Variants in HMGN4 observed in about 807,000 individuals in gnomAD.
HMGN4 encodes high mobility group nucleosomal binding domain 4, also known as high mobility group nucleosome-binding domain-containing protein 4.
For synonymous variants in HMGN4, 39 were observed against 39.1 expected, an observed-to-expected ratio of 1.00 and a Z score of 0.01; for missense variants, 69 against 104.9, an observed-to-expected ratio of 0.66 and a Z score of 1.49.
chr6:26,541,887 T>G (rs1764290997), intron 1 of HMGN4, among the ~76,000 whole-genome samples: 1 of 152,244 alleles, frequency 6.6e-6, no homozygotes, highest in African/African-American at 2.4e-5. Flanking sequence ...TAACTTGCTC[T>G]GTTGTTTGTA....
At chr6:26,544,097 G>C (rs549608448) in intron 1 of HMGN4, among the ~76,000 whole-genome samples, 1 of 152,076 alleles carries the variant, frequency 6.6e-6, no homozygotes, top group South Asian at 2.1e-4. Flanking sequence ...ATTTTTCTGT[G>C]TAAGACATAG....
Position 26,545,583 on chromosome 6 carries a change from G to A in HMGN4, c.*104G>A, listed in dbSNP as rs924009011. ...AAGTGTAGAATTTTGGCTTTTTTAA[G>A]TTATGTTGTTAGCACACAGGACACT... On this transcript the variant is annotated 3_prime_UTR_variant, in exon 2 of 2. Transcript: ENST00000377575. The A allele has an allele frequency of 9.2e-7, 1 of 1,092,446 alleles. No individual in the cohort carries two copies. Among genetic ancestry groups the A allele is most frequent in the Non-Finnish European group, 1.3e-6 (1 of 783,176 alleles). The allele number at this position is 1,092,446 out of a possible 1,614,324, so 67.7% of individuals were successfully genotyped here.
At position 26,538,376 on chromosome 6, in the gene HMGN4, C is replaced by G. The variant is rs1764243734; in HGVS notation, c.-206C>G. On this transcript the variant is annotated 5_prime_UTR_variant, in exon 1 of 2. Transcript: ENST00000377575. The stretch of plus-strand genomic sequence containing the variant: ...CCTTCCCTCGCCTTCCTGTTCCTGG[C>G]GGAGCCGGGCTCCGCTCGTCTTCTC... The G allele has an allele frequency of 1.3e-5, 2 of 152,426 alleles. No homozygotes were observed. Among genetic ancestry groups the G allele is most frequent in the South Asian group, 4.1e-4 (2 of 4,840 alleles). The allele number at this position is 152,426 out of a possible 1,614,324, so 9.4% of individuals were successfully genotyped here.
intron 1 of HMGN4, 107 bp from the exon 2 acceptor site, chr6:26,545,020 C>T: frequency 2.5e-6 from 1 of 394,464 alleles, no homozygotes; most frequent in Non-Finnish European, 4.5e-6. Context: ...ATTATGCTAT[C>T]TTTTTTGATA....
chr6:26,544,517 TAC>T (rs1199289974), intron 1 of HMGN4, among the ~76,000 whole-genome samples: 1 of 152,244 alleles, frequency 6.6e-6, no homozygotes, highest in East Asian at 1.9e-4. Flanking sequence ...TTTTTGAAAT[TAC>T]AGTGTTGCTA....
chr6:26,543,847 G>A (rs1764318422), intron 1 of HMGN4, among the ~76,000 whole-genome samples: 1 of 149,700 alleles, frequency 6.7e-6, no homozygotes, highest in Non-Finnish European at 1.5e-5. Flanking sequence ...ATTGTAGAAT[G>A]GTGGCCACTC....
In HMGN4 at chr6:26,545,146, G is replaced by A. The variant is rs2113584817; in HGVS notation, c.-61G>A. 3 of 1,390,250 alleles carry A rather than the reference G, an allele frequency of 2.2e-6. No homozygotes were observed. The highest frequency in any genetic ancestry group is 3.5e-5 in the South Asian group (2 of 57,768). 86.1% of individuals were successfully genotyped at this position (1,390,250 alleles called of 1,614,324 possible). A position where few individuals can be genotyped will look rare whatever the true frequency, so the allele number is the denominator to read the frequency against. Reference sequence around the variant, plus strand: ...TTAAAGACATCTTTCCAGGAACAGCGTGAGGAGGACAGAAGCACCCAACAG... The same window carrying A: ...TTAAAGACATCTTTCCAGGAACAGCATGAGGAGGACAGAAGCACCCAACAG... On this transcript the variant is annotated 5_prime_UTR_variant, in exon 2 of 2. In the 5' UTR this introduces an upstream ATG that the reference lacks. Coordinates refer to ENST00000377575, the MANE Select transcript of HMGN4 (RefSeq NM_006353.3).
At chr6:26,543,859 C>G (rs1764318459) in intron 1 of HMGN4, among the ~76,000 whole-genome samples, 1 of 145,854 alleles carries the variant, frequency 6.9e-6, no homozygotes, top group Non-Finnish European at 1.5e-5. Flanking sequence ...TGGCCACTCA[C>G]AAGGTTACAG....
At chr6:26,543,421 C>T (rs1385718359) in intron 1 of HMGN4, among the ~76,000 whole-genome samples, 7 of 80,134 alleles carry the variant, frequency 8.7e-5, no homozygotes, top group African/African-American at 1.7e-4. Context: ...GCACCATTAC[C>T]TTTTTTTTTT....
chr6:26,540,342 CT>C (rs1185421946), intron 1 of HMGN4, among the ~76,000 whole-genome samples: 12 of 125,504 alleles, frequency 9.6e-5, no homozygotes, highest in Non-Finnish European at 1.4e-4. Flanking sequence ...TTTTTTTTTT[CT>C]TTTTTTTTTG....
At chr6:26,541,311 G>A (rs1335689929) in intron 1 of HMGN4, among the ~76,000 whole-genome samples, 2 of 152,214 alleles carry the variant, frequency 1.3e-5, no homozygotes, top group Admixed American at 6.5e-5. Context: ...GATTACAGGC[G>A]TGAGCCACCA....
chr6:26,540,421 G>T (rs933703719), intron 1 of HMGN4, among the ~76,000 whole-genome samples: 1 of 150,418 alleles, frequency 6.6e-6, no homozygotes, highest in South Asian at 2.1e-4. Context: ...TGCAACCTCC[G>T]CCTCCCAGGC....
rs1210751461 is a variant in HMGN4, at chr6:26,542,852, CT to C, written c.-80-2274del. The stretch of plus-strand genomic sequence containing the variant: ...TTGACATGTGGAGATCATGGCCCCC[CT>C]ACTTCGGATGGACTTCAATGGATCT... On this transcript the variant is annotated intron_variant, in intron 1 of 1. Transcript: ENST00000377575. This position sits in a 1 kb window ranked among gnomAD's most constrained non-coding sequence, Gnocchi z 4.6. Among the ~76,000 whole-genome samples, 2 of 152,204 alleles carry C rather than the reference CT, an allele frequency of 1.3e-5. No individual in the cohort carries two copies. Among genetic ancestry groups the C allele is most frequent in the Non-Finnish European group, 2.9e-5 (2 of 68,030 alleles).
Position 26,542,047 on chromosome 6 carries a change from A to C in HMGN4, c.-80-3080A>C, listed in dbSNP as rs754002065. ...TGATACCATTGAAAGTCATTTCTCT[A>C]TGTTTCCAAAAGTTGTACAATTACT... On this transcript the variant is annotated intron_variant, in intron 1 of 1. Coordinates refer to ENST00000377575, the MANE Select transcript of HMGN4 (RefSeq NM_006353.3). The surrounding 1 kb of genome is among the most constrained non-coding windows in gnomAD (Gnocchi z 4.6). Among the ~76,000 whole-genome samples, 1 of 152,178 alleles carries C rather than the reference A, an allele frequency of 6.6e-6. No individual in the cohort carries two copies. The highest frequency in any genetic ancestry group is 2.4e-5 in the African/African-American group (1 of 41,448).
Position 26,545,455 on chromosome 6 carries a change from G to A in HMGN4, c.249G>A (p.Ala83=), listed in dbSNP as rs750549343. 122 of 1,580,848 alleles carry A rather than the reference G, an allele frequency of 7.7e-5. No homozygotes were observed. Among genetic ancestry groups the A allele is most frequent in the Non-Finnish European group, 9.7e-5 (113 of 1,165,696 alleles). Residue 83 remains alanine, a synonymous_variant, in exon 2 of 2, where the codon GCG becomes GCA. Coordinates refer to ENST00000377575, the MANE Select transcript of HMGN4 (RefSeq NM_006353.3). Reference sequence around the variant, plus strand: ...CCTCTACACTCCAGTCCCAGAAAGCGGAAGGCACTGGGGATGCCAAGTGAA... The same window carrying A: ...CCTCTACACTCCAGTCCCAGAAAGCAGAAGGCACTGGGGATGCCAAGTGAA... The part of the protein sequence containing the change: ...RDASTLQSQK[A]EGTGDAK
chr6:26,538,592 CT>C (rs1308547260), intron 1 of HMGN4, 91 bp downstream of exon 1: 1 of 153,160 alleles, frequency 6.5e-6, no homozygotes, highest in Non-Finnish European at 1.5e-5. Context: ...TAGGACCCTC[CT>C]GCCAGCTGGC....
In HMGN4 at chr6:26,542,662, C is replaced by T. The variant is rs964082052; in HGVS notation, c.-80-2465C>T. Among the ~76,000 whole-genome samples the T allele has an allele frequency of 2.0e-5, 3 of 152,164 alleles. No homozygotes were observed. Among genetic ancestry groups the T allele is most frequent in the Non-Finnish European group, 2.9e-5 (2 of 68,036 alleles). ...CCCTTTTCATTATGTGTGTATCTGT[C>T]TCCCACATTTGTAAGGTCTCTAGAG... On this transcript the variant is annotated intron_variant, in intron 1 of 1. Coordinates refer to ENST00000377575, the MANE Select transcript of HMGN4 (RefSeq NM_006353.3). This position sits in a 1 kb window ranked among gnomAD's most constrained non-coding sequence, Gnocchi z 4.6.
Position 26,545,243 on chromosome 6 carries a change from G to A in HMGN4, c.37G>A (p.Asp13Asn). 6.2e-7 allele frequency: 1 copy of A among 1,613,534 alleles called. No homozygotes were observed. Among genetic ancestry groups the A allele is most frequent in the Non-Finnish European group, 8.5e-7 (1 of 1,179,822 alleles). The change falls in exon 2 of 2, where the codon GAT becomes AAT. Residue 13 changes from aspartate (D) to asparagine (N), a missense_variant. Physicochemically the swap from Asp to Asn is conservative, Grantham distance 23 (BLOSUM62 1). Transcript: ENST00000377575. ...AAAGGCAAAAGGAGATGCTAAAGGT[G>A]ATAAAGCAAAGGTGAAGGATGAGCC... ...KRKAKGDAKGDKAKVKDEPQR... is the reference protein window; with the variant it reads ...KRKAKGDAKGNKAKVKDEPQR...
chr6:26,542,527 C>T lies in HMGN4; in HGVS notation c.-80-2600C>T, dbSNP rs1362975705. 6.6e-6 allele frequency among the ~76,000 whole-genome samples: 1 copy of T among 152,186 alleles called. No individual in the cohort carries two copies. Among genetic ancestry groups the T allele is most frequent in the African/African-American group, 2.4e-5 (1 of 41,438 alleles). On this transcript the variant is annotated intron_variant, in intron 1 of 1. Coordinates refer to ENST00000377575, the MANE Select transcript of HMGN4 (RefSeq NM_006353.3). The surrounding 1 kb of genome is among the most constrained non-coding windows in gnomAD (Gnocchi z 4.6). ...TTACCTAAAAATCTCTTCTGCGCCA[C>T]CTCAAATAATTTCTTCTGAGTTAAA... is the stretch of plus-strand genomic sequence containing the variant.
Sources: gnomAD v4.1 joint callset for allele counts (sites outside exome capture counted in the v4.1 genomes callset) on GRCh38, gnomAD v4.1.1 for gene constraint, Gnocchi (gnomAD v3.1) non-coding constraint, MANE v1.5 for transcripts, NCBI Gene and HGNC (gene_info 2026-07-23, HGNC 2026-07-21) for gene names.